HMCN2: variants seen among roughly 807,000 people sequenced by gnomAD.
The protein encoded by HMCN2 is hemicentin 2, also known as hemicentin-2.
In HMCN2, 325 loss-of-function variants were observed where a neutral mutation model predicts 377.5. The observed-to-expected ratio is 0.86, with a 90% CI of 0.79 to 0.94. The LOEUF (loss-of-function observed/expected upper bound fraction) is 0.94. HMCN2 is among the 40% of genes least tolerant of loss of function. HMCN2 has a pLI of 0.00. For synonymous variants in HMCN2, 2,007 were observed against 2,046.8 expected (o/e 0.98, Z 0.53); for missense variants, 4,543 against 4,725.3 (o/e 0.96, Z 1.13).
chr9:130,320,253 G>A (rs1194114453), intron 16 of HMCN2, 103 bp from the exon 17 acceptor site: 13 of 152,372 alleles, frequency 8.5e-5, no homozygotes, highest in African/African-American at 2.4e-4. Context: ...GTAAGGCCAG[G>A]CCATGCCAAG....
Position 130,354,895 on chromosome 9 carries a change from C to T in HMCN2, c.4997C>T (p.Pro1666Leu). ...CTCTCCTGGCACCACGAGGGGCTGC[C>T]CGTGGCAGAGAGCAACGAGTCGCGG... ...PTLSWHHEGL[P>L]VAESNESRLE... The change falls in exon 32 of 98, where the codon CCC (proline) becomes CTC (leucine). Residue 1666 changes from proline to leucine, a missense_variant. Coordinates refer to ENST00000683500, the MANE Select transcript of HMCN2 (RefSeq NM_001291815.2). 1.5e-6 allele frequency: 2 copies of T among 1,304,260 alleles called. No individual in the cohort carries two copies. Among genetic ancestry groups the T allele is most frequent in the Non-Finnish European group, 2.0e-6 (2 of 988,948 alleles). 80.8% of individuals were successfully genotyped at this position (1,304,260 alleles called of 1,614,324 possible).
At position 130,356,068 on chromosome 9, in the gene HMCN2, C is replaced by T. The variant is rs1361629347; in HGVS notation, c.5256-20C>T. On this transcript the variant is annotated intron_variant, in intron 33 of 97. Coordinates refer to ENST00000683500, the MANE Select transcript of HMCN2 (RefSeq NM_001291815.2). ...TTCCCTGGTCTCAGGTTGACACGCC[C>T]CCCTCCCTACTCACCTTAGGTGGCT... The T allele has an allele frequency of 1.6e-6, 2 of 1,249,714 alleles. No individual in the cohort carries two copies. Among genetic ancestry groups the T allele is most frequent in the African/African-American group, 1.5e-5 (1 of 64,606 alleles). 77.4% of individuals were successfully genotyped at this position (1,249,714 alleles called of 1,614,324 possible).
intron 31 of HMCN2, among the ~76,000 whole-genome samples, chr9:130,353,903 G>GC (rs1342307200): frequency 6.6e-6 from 1 of 152,220 alleles, no homozygotes; most frequent in African/African-American, 2.4e-5. Flanking sequence ...GGTCAGCCTG[G>GC]CCCCCCGTGG....
At chr9:130,335,189 C>T (rs886348177) in intron 22 of HMCN2, among the ~76,000 whole-genome samples, 176 of 152,276 alleles carry the variant, frequency 1.2e-3, no homozygotes, top group African/African-American at 3.9e-3. Context: ...TACTGGCCCA[C>T]ATCATCCCTG....
At chr9:130,375,244 C>G (rs991816783) in intron 49 of HMCN2, among the ~76,000 whole-genome samples, 63 of 152,356 alleles carry the variant, frequency 4.1e-4, no homozygotes, top group African/African-American at 1.4e-3. Context: ...CCACTCCCCC[C>G]TCAAACAGAA....
intron 15 of HMCN2, among the ~76,000 whole-genome samples, chr9:130,310,296 A>G (rs1837171517): frequency 6.6e-6 from 1 of 152,268 alleles, no homozygotes. Flanking sequence ...TATTTATTTC[A>G]CAGTCTGAGG....
intron 47 of HMCN2, 91 bp downstream of exon 47, chr9:130,372,498 A>C (rs1253013768): frequency 3.4e-6 from 1 of 290,476 alleles, no homozygotes; most frequent in Non-Finnish European, 5.1e-6. Flanking sequence ...CTCATGGCTC[A>C]TGCTGTAGCA....
intron 52 of HMCN2, among the ~76,000 whole-genome samples, chr9:130,377,277 C>G (rs1841440201): frequency 6.6e-6 from 1 of 152,002 alleles, no homozygotes; most frequent in Non-Finnish European, 1.5e-5. Context: ...CCACGCCTGG[C>G]TAATTTTTTG....
chr9:130,307,908 A>C (rs1772166602), intron 14 of HMCN2, among the ~76,000 whole-genome samples: 1 of 152,184 alleles, frequency 6.6e-6, no homozygotes, highest in Non-Finnish European at 1.5e-5. Flanking sequence ...TGAAGATTAA[A>C]TGAGTTCCTA....
chr9:130,291,135 T>G (rs1192718909), intron 4 of HMCN2, among the ~76,000 whole-genome samples: 1 of 152,154 alleles, frequency 6.6e-6, no homozygotes, highest in African/African-American at 2.4e-5. Context: ...TAGCTTGGAG[T>G]TGGCAAGCAA....
In HMCN2 at chr9:130,430,362, G is replaced by GC. The variant is rs745859407; in HGVS notation, c.14411dup (p.Gly4805ArgfsTer81). 5.2e-6 allele frequency: 8 copies of GC among 1,549,276 alleles called. No homozygotes were observed. The highest frequency in any genetic ancestry group is 6.1e-6 in the Non-Finnish European group (7 of 1,146,924). ...CTCCAGGGCAGCTACCGCTGCCTGT[G>GC]CCCCCCAGGCCAGACCCTCCTTCGC... On this transcript the variant is annotated frameshift_variant, in exon 95 of 98. Coordinates refer to ENST00000683500, the MANE Select transcript of HMCN2 (RefSeq NM_001291815.2). LOFTEE classifies it high-confidence loss of function.
At chr9:130,324,089 A>G (rs1300848246) in intron 19 of HMCN2, among the ~76,000 whole-genome samples, 1 of 152,194 alleles carries the variant, frequency 6.6e-6, no homozygotes, top group Non-Finnish European at 1.5e-5. Context: ...GTACATTCAC[A>G]TTTCACACTA....
intron 8 of HMCN2, among the ~76,000 whole-genome samples, chr9:130,302,049 C>CTTTTTT (rs60456645): frequency 0.011 from 1,582 of 147,430 alleles, 24 homozygotes; most frequent in African/African-American, 0.031. Flanking sequence ...TCTAGCTGTG[C>CTTTTTT]TTTTTTTTTT....
rs1315204085 is a variant in HMCN2 at position 130,361,126 on chromosome 9, A to C, written c.5950+522A>C. Among the ~76,000 whole-genome samples the C allele has an allele frequency of 1.3e-5, 2 of 152,216 alleles. No individual in the cohort carries two copies. Among genetic ancestry groups the C allele is most frequent in the African/African-American group, 2.4e-5 (1 of 41,446 alleles). On this transcript the variant is annotated intron_variant, in intron 38 of 97. Coordinates refer to ENST00000683500, the MANE Select transcript of HMCN2 (RefSeq NM_001291815.2). The surrounding 1 kb of genome is among the most constrained non-coding windows in gnomAD (Gnocchi z 4.8). ...CTATCCAACCACACTTATTGAGTCCATGCTCTGGGGCGGAGACTGGACCTA... is the reference window on the plus strand; with the variant it reads ...CTATCCAACCACACTTATTGAGTCCCTGCTCTGGGGCGGAGACTGGACCTA...
chr9:130,432,529 C>T lies in HMCN2; in HGVS notation c.14868C>T (p.Ala4956=), dbSNP rs887154820. The change falls in exon 97 of 98, where the codon GCC becomes GCT. Residue 4956 remains alanine, a synonymous_variant. Coordinates refer to ENST00000683500, the MANE Select transcript of HMCN2 (RefSeq NM_001291815.2). ...AGTGTGTGGACACACCCTGTCCTGC[C>T]ACCTACCGGCAGGGCCCCAGCCCTG... is the stretch of plus-strand genomic sequence containing the variant. The part of the protein sequence containing the change: ...SYQCVDTPCP[A]TYRQGPSPGT... The T allele has an allele frequency of 1.3e-6, 2 of 1,550,520 alleles. No individual in the cohort carries two copies. Among genetic ancestry groups the T allele is most frequent in the East Asian group, 4.9e-5 (2 of 40,924 alleles).
chr9:130,324,625 T>A (rs1189618435), intron 19 of HMCN2, among the ~76,000 whole-genome samples: 1 of 152,126 alleles, frequency 6.6e-6, no homozygotes, highest in Non-Finnish European at 1.5e-5. Context: ...AGTGGTTTTT[T>A]AATTTTTTAT....
intron 4 of HMCN2, 108 bp from the exon 5 acceptor site, chr9:130,294,747 T>G: frequency 3.0e-6 from 1 of 335,988 alleles, no homozygotes; most frequent in Non-Finnish European, 6.1e-6. Flanking sequence ...CATGGAGGAG[T>G]GGGGTGGCCT....
intron 32 of HMCN2, 111 bp from the exon 33 acceptor site, chr9:130,355,635 C>T (rs922142739): frequency 3.3e-5 from 18 of 552,426 alleles, no homozygotes; most frequent in Admixed American, 4.8e-5. Context: ...GATAGGGAGA[C>T]GTGAGGGTGA....
intron 45 of HMCN2, among the ~76,000 whole-genome samples, chr9:130,370,287 GT>G (rs1840945632): frequency 6.6e-6 from 1 of 152,180 alleles, no homozygotes; most frequent in Non-Finnish European, 1.5e-5. Flanking sequence ...GTGAGTAGGA[GT>G]TAGGCAGCTG....
Sources: allele counts gnomAD v4.1 joint callset (sites outside exome capture counted in the v4.1 genomes callset), GRCh38; gene constraint gnomAD v4.1.1; non-coding constraint Gnocchi (gnomAD v3.1); transcripts MANE v1.5; gene names NCBI Gene and HGNC (gene_info 2026-07-23, HGNC 2026-07-21).